Variants in DCX observed in about 807,000 individuals in gnomAD.
DCX encodes doublecortin.
In DCX, 4 loss-of-function variants were observed where a neutral mutation model predicts 20.9. The observed-to-expected ratio is 0.19, with a 90% confidence interval of 0.09 to 0.44. The LOEUF is 0.44. DCX is among the 20% of genes least tolerant of loss of function. The pLI is 0.99. For synonymous variants in DCX, 103 were observed against 111.4 expected, an observed-to-expected ratio of 0.92 and a Z score of 0.47; for missense variants, 133 against 296.9, an observed-to-expected ratio of 0.45 and a Z score of 4.06.
intron 5 of DCX, among the ~76,000 whole-genome samples, chrX:111,323,579 C>T (rs982452941): frequency 1.9e-4 from 20 of 104,955 alleles, no homozygotes; most frequent in Non-Finnish European, 3.5e-4. Flanking sequence ...TCGAAGCTTT[C>T]CTTAGGTGAA....
At chrX:111,309,451 A>G (rs1196919127) in intron 6 of DCX, among the ~76,000 whole-genome samples, 1 of 112,354 alleles carries the variant, frequency 8.9e-6, no homozygotes, top group Non-Finnish European at 1.9e-5. Flanking sequence ...GCTGTGTGAA[A>G]GGAGGAGCAT....
intron 2 of DCX, among the ~76,000 whole-genome samples, chrX:111,403,773 C>T (rs952243112): frequency 8.9e-6 from 1 of 111,986 alleles, no homozygotes; most frequent in African/African-American, 3.2e-5. Flanking sequence ...TGGCCAGGTG[C>T]GACGGCTCAT....
intron 6 of DCX, among the ~76,000 whole-genome samples, chrX:111,308,640 G>A (rs2095050707): frequency 9.0e-6 from 1 of 110,872 alleles, no homozygotes; most frequent in South Asian, 3.8e-4. Flanking sequence ...CTCATCAAAG[G>A]GCCTCTCCAA....
rs189987550 is a variant in DCX, at chrX:111,329,950, T to C, written c.946+954A>G. Among the ~76,000 whole-genome samples the C allele has an allele frequency of 3.6e-3, 399 of 112,287 alleles. 3 individuals carry two copies. Among genetic ancestry groups the C allele is most frequent in the African/African-American group, 0.012 (378 of 30,934 alleles). ...TGTATAAGTATTTTGGACCATATAG[T>C]TTCCTTAGTGTGAAGAACCTCAAAT... On this transcript the variant is annotated intron_variant, in intron 5 of 6. Coordinates refer to ENST00000636035, the MANE Select transcript of DCX (RefSeq NM_001195553.2).
chrX:111,339,544 A>C (rs145014488), intron 3 of DCX, among the ~76,000 whole-genome samples: 1 of 111,915 alleles, frequency 8.9e-6, no homozygotes, highest in African/African-American at 3.2e-5. Flanking sequence ...AGCCTCCAGG[A>C]CTGTAAGAAA....
intron 6 of DCX, among the ~76,000 whole-genome samples, chrX:111,308,195 C>T (rs1487960123): frequency 8.9e-6 from 1 of 112,041 alleles, no homozygotes; most frequent in East Asian, 2.8e-4. Context: ...AATTCATTTG[C>T]TTATTCCCTT....
intron 2 of DCX, among the ~76,000 whole-genome samples, chrX:111,408,394 G>C (rs189527584): frequency 9.0e-6 from 1 of 110,519 alleles, no homozygotes; most frequent in Non-Finnish European, 1.9e-5. Context: ...AGGCCAAGGC[G>C]GGTGGATCCT....
At chrX:111,406,881 A>G (rs1454127085) in intron 2 of DCX, among the ~76,000 whole-genome samples, 2 of 112,352 alleles carry the variant, frequency 1.8e-5, no homozygotes, top group Non-Finnish European at 3.8e-5. Flanking sequence ...TGGTTGCACC[A>G]CTTGATAAAT....
At chrX:111,320,055 T>G (rs2095082873) in intron 5 of DCX, among the ~76,000 whole-genome samples, 1 of 112,618 alleles carries the variant, frequency 8.9e-6, no homozygotes, top group Non-Finnish European at 1.9e-5. Context: ...CTTTTAATAA[T>G]TTAACTACCA....
In DCX at chrX:111,378,306, A is replaced by C. The variant is rs190271318; in HGVS notation, c.705+22684T>G. ...TAAAGGATTAGCTTAGTGGTTTTCA[A>C]ACATTAGCGTGTACGTGAATTACCT... is the stretch of plus-strand genomic sequence containing the variant. On this transcript the variant is annotated intron_variant, in intron 3 of 6. Coordinates refer to ENST00000636035, the MANE Select transcript of DCX (RefSeq NM_001195553.2). Among the ~76,000 whole-genome samples the C allele has an allele frequency of 2.4e-3, 263 of 111,531 alleles. 1 individual carries two copies. The highest frequency in any genetic ancestry group is 8.1e-3 in the African/African-American group (248 of 30,694).
Position 111,323,613 on chromosome X carries a change from T to G in DCX, c.946+7291A>C, listed in dbSNP as rs562285429. On this transcript the variant is annotated intron_variant, in intron 5 of 6. Coordinates refer to ENST00000636035, the MANE Select transcript of DCX (RefSeq NM_001195553.2). The stretch of plus-strand genomic sequence containing the variant: ...AAGCCTATTATTTCTGTTTTTTTTT[T>G]TTTTTTTTTTTTGCATTTTACTGCT... 1.5e-4 allele frequency among the ~76,000 whole-genome samples: 16 copies of G among 103,979 alleles called. No homozygotes were observed. In the South Asian group the frequency reaches 3.1e-3, roughly 20 times the overall value. 90.3% of individuals were successfully genotyped at this position (103,979 alleles called of 115,157 possible). A position where few individuals can be genotyped will look rare whatever the true frequency, so the allele number is the denominator to read the frequency against.
chrX:111,322,995 C>T (rs1241534093), intron 5 of DCX, among the ~76,000 whole-genome samples: 1 of 111,670 alleles, frequency 9.0e-6, no homozygotes, highest in Non-Finnish European at 1.9e-5. Context: ...ATGAGTTTCC[C>T]TCAAGAAGAG....
intron 3 of DCX, among the ~76,000 whole-genome samples, chrX:111,349,274 G>A (rs931583961): frequency 9.0e-6 from 1 of 111,612 alleles, no homozygotes; most frequent in African/African-American, 3.3e-5. Flanking sequence ...ACCCGGGCCA[G>A]AATGCTGGCA....
At chrX:111,367,515 T>C (rs919614390) in intron 3 of DCX, among the ~76,000 whole-genome samples, 1 of 111,964 alleles carries the variant, frequency 8.9e-6, no homozygotes, top group African/African-American at 3.2e-5. Flanking sequence ...GGCTAAATGC[T>C]GGACTACCTC....
Position 111,298,101 on chromosome X carries a change from C to T in DCX, c.*3586G>A, listed in dbSNP as rs1398880078. ...AGTTAGGATGAACAAAGCTATTGTT[C>T]CACTCTTTCTTTTTCTACTCTGGAA... On this transcript the variant is annotated 3_prime_UTR_variant, in exon 7 of 7. Coordinates refer to ENST00000636035, the MANE Select transcript of DCX (RefSeq NM_001195553.2). 1 of 111,720 alleles carries T rather than the reference C, an allele frequency of 9.0e-6. No homozygotes were observed. The highest frequency in any genetic ancestry group is 1.9e-5 in the Non-Finnish European group (1 of 53,099). 9.2% of individuals were successfully genotyped at this position (111,720 alleles called of 1,213,427 possible).
intron 3 of DCX, among the ~76,000 whole-genome samples, chrX:111,350,413 C>T (rs1201001099): frequency 8.9e-6 from 1 of 112,224 alleles, no homozygotes; most frequent in Non-Finnish European, 1.9e-5. Context: ...GTGCTTCAGT[C>T]ACCCCATTGT....
chrX:111,331,020 T>C lies in DCX; in HGVS notation c.830A>G (p.Asn277Ser). 8.3e-7 allele frequency: 1 copy of C among 1,210,976 alleles called. No individual in the cohort carries two copies. The highest frequency in any genetic ancestry group is 1.8e-5 in the South Asian group (1 of 56,944). Residue 277 changes from asparagine to serine, a missense_variant, in exon 5 of 7, where the codon AAC becomes AGC. Physicochemically the swap from Asn to Ser is conservative, Grantham distance 46. Coordinates refer to ENST00000636035, the MANE Select transcript of DCX (RefSeq NM_001195553.2). ...CTTTGGGCCAGCTGTGGCTGATGGG[T>C]TTCCCTTCATGACTCGGCATTCTGG... ...DENECRVMKGNPSATAGPKAS... is the reference protein window; with the variant it reads ...DENECRVMKGSPSATAGPKAS...
At chrX:111,322,844 T>C (rs2095089895) in intron 5 of DCX, among the ~76,000 whole-genome samples, 1 of 112,326 alleles carries the variant, frequency 8.9e-6, no homozygotes. Flanking sequence ...CTTCAGAAGA[T>C]GGAATTTGAA....
At chrX:111,385,112 C>T (rs1470782836) in intron 3 of DCX, among the ~76,000 whole-genome samples, 1 of 112,520 alleles carries the variant, frequency 8.9e-6, no homozygotes, top group African/African-American at 3.2e-5. Flanking sequence ...CTCTTCTCTG[C>T]GTCTCCAGCC....
Sources: gnomAD v4.1 joint callset for allele counts (sites outside exome capture counted in the v4.1 genomes callset) on GRCh38, gnomAD v4.1.1 for gene constraint, MANE v1.5 for transcripts, NCBI Gene and HGNC (gene_info 2026-07-23, HGNC 2026-07-21) for gene names.